TAFA1: variants seen among roughly 807,000 people sequenced by gnomAD.
The protein encoded by TAFA1 is TAFA chemokine like family member 1.
TAFA1 carries 4 observed loss-of-function variants against 18.5 expected under a neutral mutation model. The ratio of observed to expected loss-of-function variants is 0.22; its 90% confidence interval spans 0.11 to 0.49. The LOEUF (loss-of-function observed/expected upper bound fraction) is 0.49. Among genes scored for constraint, TAFA1 ranks in the 20% least tolerant of loss-of-function variants. TAFA1 has a pLI of 0.98. For synonymous variants in TAFA1, 56 were observed against 55.2 expected (o/e 1.01, Z -0.06); for missense variants, 147 against 169.0 (o/e 0.87, Z 0.72).
intron 2 of TAFA1, among the ~76,000 whole-genome samples, chr3:68,235,423 CA>C (rs1478891244): frequency 6.6e-6 from 1 of 152,072 alleles, no homozygotes; most frequent in Non-Finnish European, 1.5e-5. Flanking sequence ...TTTTCAGCAC[CA>C]AATGTCTCAT....
At chr3:68,283,407 G>A (rs17231705) in intron 2 of TAFA1, among the ~76,000 whole-genome samples, 17,690 of 152,014 alleles carry the variant, frequency 0.12, 1,079 homozygotes, top group South Asian at 0.19. Context: ...CTAGTTTGAG[G>A]GCAATTAAAA....
intron 2 of TAFA1, among the ~76,000 whole-genome samples, chr3:68,117,245 G>C (rs2065335373): frequency 2.0e-5 from 3 of 152,136 alleles, no homozygotes; most frequent in African/African-American, 7.2e-5. Flanking sequence ...TTATGCTAAA[G>C]TACAATGAGA....
At chr3:68,123,116 A>C (rs2065421245) in intron 2 of TAFA1, among the ~76,000 whole-genome samples, 1 of 151,916 alleles carries the variant, frequency 6.6e-6, no homozygotes. Flanking sequence ...TTGCCTTAGG[A>C]AAATGTATGA....
intron 2 of TAFA1, among the ~76,000 whole-genome samples, chr3:68,390,715 G>T (rs747623671): frequency 1.3e-5 from 2 of 152,198 alleles, no homozygotes; most frequent in African/African-American, 4.8e-5. Flanking sequence ...GGCAAACAGG[G>T]TCTGGAGTAG....
intron 2 of TAFA1, among the ~76,000 whole-genome samples, chr3:68,336,367 T>G (rs1007332794): frequency 1.3e-5 from 2 of 152,220 alleles, no homozygotes; most frequent in Non-Finnish European, 2.9e-5. Flanking sequence ...CTGACTTTTC[T>G]GATACTACTT....
intron 3 of TAFA1, among the ~76,000 whole-genome samples, chr3:68,527,304 G>A (rs1467626308): frequency 6.6e-6 from 1 of 152,094 alleles, no homozygotes; most frequent in African/African-American, 2.4e-5. Context: ...GCTTCCTTGA[G>A]TTGCAAAAGG....
intron 2 of TAFA1, among the ~76,000 whole-genome samples, chr3:68,188,322 A>G (rs1175656091): frequency 6.6e-6 from 1 of 151,798 alleles, no homozygotes; most frequent in African/African-American, 2.4e-5. Context: ...TGCTATTTTA[A>G]ATAGTCATTT....
chr3:68,336,338 G>A (rs1269596397), intron 2 of TAFA1, among the ~76,000 whole-genome samples: 1 of 152,114 alleles, frequency 6.6e-6, no homozygotes, highest in Non-Finnish European at 1.5e-5. Context: ...TAATTTTCAT[G>A]CTTTTGGGAT....
chr3:68,271,019 GA>G (rs2107228819), intron 2 of TAFA1, among the ~76,000 whole-genome samples: 1 of 152,198 alleles, frequency 6.6e-6, no homozygotes, highest in South Asian at 2.1e-4. Context: ...CTTAAGCCGA[GA>G]AAAATAGGTA....
chr3:68,128,205 C>A (rs2065493534), intron 2 of TAFA1, among the ~76,000 whole-genome samples: 1 of 152,150 alleles, frequency 6.6e-6, no homozygotes, highest in South Asian at 2.1e-4. Flanking sequence ...AGAGGCTACA[C>A]ACTTAACTCC....
At chr3:68,015,933 G>A (rs1435371078) in intron 2 of TAFA1, among the ~76,000 whole-genome samples, 1 of 152,076 alleles carries the variant, frequency 6.6e-6, no homozygotes, top group Admixed American at 6.5e-5. Context: ...GTCAGCTCTT[G>A]GAAACATTGC....
At chr3:68,393,121 A>G (rs1312941261) in intron 2 of TAFA1, among the ~76,000 whole-genome samples, 1 of 152,184 alleles carries the variant, frequency 6.6e-6, no homozygotes, top group Non-Finnish European at 1.5e-5. Context: ...TAATAAGAAC[A>G]GAGAGAAGAA....
intron 2 of TAFA1, among the ~76,000 whole-genome samples, chr3:68,138,381 C>T (rs1342434390): frequency 6.6e-6 from 1 of 152,176 alleles, no homozygotes; most frequent in Non-Finnish European, 1.5e-5. Flanking sequence ...GCAATGAATA[C>T]AGAGCTCTAG....
At chr3:68,422,530 TA>T (rs2070974654) in intron 3 of TAFA1, among the ~76,000 whole-genome samples, 1 of 152,266 alleles carries the variant, frequency 6.6e-6, no homozygotes, top group Middle Eastern at 3.4e-3. Context: ...GCTATCATTT[TA>T]AAAGAAGCAT....
chr3:68,035,946 C>T (rs997108101), intron 2 of TAFA1, among the ~76,000 whole-genome samples: 3 of 152,124 alleles, frequency 2.0e-5, no homozygotes, highest in African/African-American at 7.2e-5. Context: ...CACTTATGTG[C>T]ATTCTGGAAA....
chr3:68,501,154 GAAAAAAAAA>G (rs57247656), intron 3 of TAFA1, among the ~76,000 whole-genome samples: 1 of 91,634 alleles, frequency 1.1e-5, no homozygotes, highest in Non-Finnish European at 2.0e-5. Flanking sequence ...GACCCTGTCT[GAAAAAAAAA>G]AAAAAAAAAA....
At chr3:68,080,394 G>T (rs2064881637) in intron 2 of TAFA1, among the ~76,000 whole-genome samples, 1 of 151,884 alleles carries the variant, frequency 6.6e-6, no homozygotes, top group Admixed American at 6.6e-5. Flanking sequence ...AGTTGATGCA[G>T]TTTCTTCCTA....
chr3:68,186,447 A>G lies in TAFA1; in HGVS notation c.118+179703A>G, dbSNP rs576758495. 5.9e-5 allele frequency among the ~76,000 whole-genome samples: 9 copies of G among 152,196 alleles called. No homozygotes were observed. In the East Asian group the frequency reaches 1.7e-3, roughly 30 times the overall value. Reference sequence around the variant, plus strand: ...CATAACACAACCCCTCTCTCATTGTAATAATAGATCATTGAATGAAACCTA... The same window carrying G: ...CATAACACAACCCCTCTCTCATTGTGATAATAGATCATTGAATGAAACCTA... On this transcript the variant is annotated intron_variant, in intron 2 of 4. Transcript: ENST00000478136.
At position 68,057,962 on chromosome 3, in the gene TAFA1, C is replaced by A. The variant is rs144212052; in HGVS notation, c.118+51218C>A. Among the ~76,000 whole-genome samples the A allele has an allele frequency of 1.8e-3, 269 of 152,276 alleles. 2 individuals are homozygous for A. Among genetic ancestry groups the A allele is most frequent in the African/African-American group, 6.3e-3 (263 of 41,556 alleles). ...ACCTTAATTTAAGACACCTGAAATG[C>A]ATTTCAGACTTCTGATCTCACTGCA... On this transcript the variant is annotated intron_variant, in intron 2 of 4. Coordinates refer to ENST00000478136, the MANE Select transcript of TAFA1 (RefSeq NM_213609.4).
Sources: allele counts gnomAD v4.1 joint callset (sites outside exome capture counted in the v4.1 genomes callset), GRCh38; gene constraint gnomAD v4.1.1; transcripts MANE v1.5; gene names NCBI Gene and HGNC (gene_info 2026-07-23, HGNC 2026-07-21).